Variants in ZNF169 observed in about 807,000 individuals in gnomAD.
ZNF169 encodes zinc finger protein 169.
Under a neutral mutation model 12.0 loss-of-function variants are expected in ZNF169, and 11 were observed. That is an observed-to-expected ratio of 0.92 (90% CI 0.58 to 1.52). ZNF169 has a LOEUF of 1.52. ZNF169 is among the 40% of genes most tolerant of loss of function. The probability of loss-of-function intolerance (pLI) is 0.00; values close to 1 mark genes in which losing one functional copy is unlikely to be tolerated. For missense variants in ZNF169, 722 were observed against 744.0 expected (o/e 0.97, Z 0.34); for synonymous variants, 302 against 286.5 (o/e 1.05, Z -0.55).
chr9:94,278,590 T>C (rs1384705873), intron 1 of ZNF169, among the ~76,000 whole-genome samples, 168 bp from the exon 2 acceptor site: 1 of 152,340 alleles, frequency 6.6e-6, no homozygotes, highest in Non-Finnish European at 1.5e-5. Context: ...CCCAGCTCTG[T>C]GGGCTTTTTT....
chr9:94,261,195 CCA>C (rs1019205296), intron 1 of ZNF169, among the ~76,000 whole-genome samples: 7 of 152,090 alleles, frequency 4.6e-5, no homozygotes, highest in Non-Finnish European at 1.0e-4. Context: ...GCACGCGCTA[CCA>C]CACCTGGCTA....
chr9:94,291,167 C>T (rs997237659), intron 2 of ZNF169, among the ~76,000 whole-genome samples: 2 of 149,670 alleles, frequency 1.3e-5, no homozygotes, highest in African/African-American at 4.9e-5. Flanking sequence ...CAATTCTCTG[C>T]CTCAGCCTCC....
chr9:94,300,977 C>T lies in ZNF169; in HGVS notation c.1419C>T (p.Leu473=), dbSNP rs1308259868. The part of the protein sequence containing the change: ...CGRGFGQKVT[L]IRHQRTHTGE... Reference sequence around the variant, plus strand: ...GTGGCTTTGGTCAGAAGGTCACCCTCATCAGACACCAGAGGACACACACAG... The same window carrying T: ...GTGGCTTTGGTCAGAAGGTCACCCTTATCAGACACCAGAGGACACACACAG... Residue 473 remains leucine, a synonymous_variant, in exon 5 of 5, where the codon CTC becomes CTT. Coordinates refer to ENST00000395395, the MANE Select transcript of ZNF169 (RefSeq NM_194320.4). 7 of 1,612,960 alleles carry T rather than the reference C, an allele frequency of 4.3e-6. No homozygotes were observed. Among genetic ancestry groups the T allele is most frequent in the Non-Finnish European group, 5.9e-6 (7 of 1,179,632 alleles).
At chr9:94,298,109 G>T (rs1415671381) in intron 4 of ZNF169, among the ~76,000 whole-genome samples, 1 of 151,664 alleles carries the variant, frequency 6.6e-6, no homozygotes, top group Non-Finnish European at 1.5e-5. Flanking sequence ...GGAGGTTGCA[G>T]TGGGCTGAGA....
Position 94,262,721 on chromosome 9 carries a change from A to G in ZNF169, c.-56+3376A>G, listed in dbSNP as rs149143646. 7.4e-3 allele frequency among the ~76,000 whole-genome samples: 1,124 copies of G among 152,178 alleles called. 15 individuals carry two copies. The highest frequency in any genetic ancestry group is 0.01 in the Middle Eastern group (3 of 294). On this transcript the variant is annotated intron_variant, in intron 1 of 4. Transcript: ENST00000395395. ...TGATCCGCCTGCCTCGGCCTCCCAA[A>G]GTGCTGGGATTACAGGTGTGAGCCA... is the stretch of plus-strand genomic sequence containing the variant.
chr9:94,278,734 C>A lies in ZNF169; in HGVS notation c.-55-24C>A. 20 of 1,414,970 alleles carry A rather than the reference C, an allele frequency of 1.4e-5. No homozygotes were observed. The South Asian group carries it at 2.4e-4, about 17-fold the overall frequency. The allele number at this position is 1,414,970 out of a possible 1,614,324, so 87.7% of individuals were successfully genotyped here. ...AAGGGTGTTCTTCCCAAGTACCTCT[C>A]TCACTTCTCATCTCTTTCCCCAGAT... is the stretch of plus-strand genomic sequence containing the variant. On this transcript the variant is annotated intron_variant, in intron 1 of 4. Coordinates refer to ENST00000395395, the MANE Select transcript of ZNF169 (RefSeq NM_194320.4).
chr9:94,301,447 A>G lies in ZNF169; in HGVS notation c.*77A>G, dbSNP rs1587693115. 3.4e-6 allele frequency: 5 copies of G among 1,454,398 alleles called. No individual in the cohort carries two copies. The African/African-American group carries it at 7.1e-5, about 21-fold the overall frequency. 90.1% of individuals were successfully genotyped at this position (1,454,398 alleles called of 1,614,324 possible). A position where few individuals can be genotyped will look rare whatever the true frequency, so the allele number is the denominator to read the frequency against. ...TCAGTTTCCTGAAATGGAATGGAAA[A>G]AAAAAAATGTTGCTTTCTTTCATCG... On this transcript the variant is annotated 3_prime_UTR_variant, in exon 5 of 5. Coordinates refer to ENST00000395395, the MANE Select transcript of ZNF169 (RefSeq NM_194320.4).
chr9:94,271,327 G>C (rs1312458217), intron 1 of ZNF169, among the ~76,000 whole-genome samples: 1 of 151,626 alleles, frequency 6.6e-6, no homozygotes, highest in African/African-American at 2.4e-5. Context: ...GAACTCCTGA[G>C]TTCAAGCAAT....
intron 1 of ZNF169, among the ~76,000 whole-genome samples, chr9:94,273,227 G>T (rs1830455114): frequency 6.6e-6 from 1 of 152,094 alleles, no homozygotes; most frequent in African/African-American, 2.4e-5. Flanking sequence ...GTTTGATGTA[G>T]TCCCGTTTGT....
chr9:94,273,675 G>A (rs1027272750), intron 1 of ZNF169, among the ~76,000 whole-genome samples: 1 of 150,692 alleles, frequency 6.6e-6, no homozygotes, highest in African/African-American at 2.4e-5. Context: ...CGCCTCCCGG[G>A]TTCACGCCAT....
intron 1 of ZNF169, among the ~76,000 whole-genome samples, chr9:94,270,705 TTATATA>T: frequency 5.9e-5 from 1 of 17,070 alleles, no homozygotes; most frequent in Non-Finnish European, 2.1e-4. Flanking sequence ...ATTTATATAA[TTATATA>T]ATATATAATA....
At chr9:94,290,482 A>T (rs10993144) in intron 2 of ZNF169, among the ~76,000 whole-genome samples, 16,642 of 152,048 alleles carry the variant, frequency 0.11, 1,494 homozygotes, top group East Asian at 0.34. Context: ...TACCTTACAT[A>T]AGTGGAATCA....
chr9:94,286,480 A>T (rs912102743), intron 2 of ZNF169, among the ~76,000 whole-genome samples: 3 of 152,084 alleles, frequency 2.0e-5, no homozygotes, highest in Admixed American at 1.3e-4. Context: ...TTAATTCTCA[A>T]TATTGGGGGA....
chr9:94,270,791 AT>A (rs1830388832), intron 1 of ZNF169, among the ~76,000 whole-genome samples: 1 of 47,736 alleles, frequency 2.1e-5, no homozygotes, highest in Non-Finnish European at 4.5e-5. Context: ...ATAAATATAT[AT>A]AAATAATATA....
At chr9:94,299,079 C>T (rs1831004607) in intron 4 of ZNF169, among the ~76,000 whole-genome samples, 1 of 152,166 alleles carries the variant, frequency 6.6e-6, no homozygotes, top group South Asian at 2.1e-4. Flanking sequence ...GATTATTGAG[C>T]AAAACAGTGT....
intron 1 of ZNF169, among the ~76,000 whole-genome samples, chr9:94,278,261 G>A (rs1830560133): frequency 6.6e-6 from 1 of 152,120 alleles, no homozygotes; most frequent in Non-Finnish European, 1.5e-5. Flanking sequence ...TTTTTGATAT[G>A]TGAGTGGAGG....
chr9:94,266,840 C>A (rs1246890930), intron 1 of ZNF169, among the ~76,000 whole-genome samples: 1 of 151,638 alleles, frequency 6.6e-6, no homozygotes, highest in Non-Finnish European at 1.5e-5. Context: ...CATGGTAGAA[C>A]TGGTTTGCTT....
intron 1 of ZNF169, among the ~76,000 whole-genome samples, chr9:94,263,932 C>T (rs1217558043): frequency 6.6e-6 from 1 of 151,242 alleles, no homozygotes; most frequent in Non-Finnish European, 1.5e-5. Flanking sequence ...TTTTTAGTGC[C>T]TGCTTTAGAG....
chr9:94,291,450 C>T (rs558340773), intron 2 of ZNF169, among the ~76,000 whole-genome samples: 6 of 152,010 alleles, frequency 3.9e-5, no homozygotes, highest in South Asian at 4.1e-4. Context: ...TTCAACATAG[C>T]GCTGGAAGTT....
Sources: gnomAD v4.1 joint callset for allele counts (sites outside exome capture counted in the v4.1 genomes callset) on GRCh38, gnomAD v4.1.1 for gene constraint, MANE v1.5 for transcripts, NCBI Gene and HGNC (gene_info 2026-07-23, HGNC 2026-07-21) for gene names.